Variants in IQCM observed in about 807,000 individuals in gnomAD.
The protein encoded by IQCM is IQ domain-containing protein M.
Under a neutral mutation model 57.6 loss-of-function variants are expected in IQCM, and 45 were observed. The observed-to-expected ratio is 0.78, with a 90% CI of 0.62 to 1.00. The LOEUF (loss-of-function observed/expected upper bound fraction) is 1.00. Among genes scored for constraint, IQCM ranks in the 50% least tolerant of loss-of-function variants. The pLI is 0.00. For synonymous variants in IQCM, 148 were observed against 158.9 expected (o/e 0.93, Z 0.51); for missense variants, 468 against 511.6 (o/e 0.91, Z 0.82).
chr4:149,469,945 G>A (rs1319107306), intron 12 of IQCM, among the ~76,000 whole-genome samples: 1 of 152,076 alleles, frequency 6.6e-6, no homozygotes, highest in Non-Finnish European at 1.5e-5. Flanking sequence ...TCACCACCAG[G>A]CCTGCCTTAC....
chr4:149,417,006 C>T (rs1031523916), intron 13 of IQCM, among the ~76,000 whole-genome samples: 3 of 152,044 alleles, frequency 2.0e-5, no homozygotes, highest in South Asian at 2.1e-4. Context: ...TGAGGAATTG[C>T]TTTTAGGCTT....
intron 5 of IQCM, among the ~76,000 whole-genome samples, chr4:149,703,139 A>C (rs1763892777): frequency 6.6e-6 from 1 of 151,950 alleles, no homozygotes; most frequent in South Asian, 2.1e-4. Flanking sequence ...TATATTTTAC[A>C]TTTGCAACTT....
At chr4:149,477,594 G>A (rs1579197316) in intron 12 of IQCM, among the ~76,000 whole-genome samples, 1 of 152,250 alleles carries the variant, frequency 6.6e-6, no homozygotes, top group East Asian at 1.9e-4. Context: ...AAATCAAATT[G>A]TCCCATAGGT....
rs201459917 is a variant in IQCM, at chr4:149,586,895, T to TTC, written c.749+1033_749+1034dup. 1.3e-3 allele frequency among the ~76,000 whole-genome samples: 191 copies of TTC among 151,860 alleles called. 7 individuals carry two copies. In the East Asian group the frequency reaches 0.035, roughly 28 times the overall value. On this transcript the variant is annotated intron_variant, in intron 9 of 13. Transcript: ENST00000636793. ...TCCATAGAAAGAGAAAAATCTTTTTTTCTTTCTATGTAAACAGATGAAGCA... is the reference window on the plus strand; with the variant it reads ...TCCATAGAAAGAGAAAAATCTTTTTTTCTCTTTCTATGTAAACAGATGAAGCA...
At position 149,535,125 on chromosome 4, in the gene IQCM, C is replaced by T. The variant is rs542433644; in HGVS notation, c.1228+13330G>A. Reference sequence around the variant, plus strand: ...AACAAACTGAGTGAGAACTACAAAACATTATGACAGTAAAGGACTAAAAAC... The same window carrying T: ...AACAAACTGAGTGAGAACTACAAAATATTATGACAGTAAAGGACTAAAAAC... On this transcript the variant is annotated intron_variant, in intron 12 of 13. Coordinates refer to ENST00000636793, the MANE Select transcript of IQCM (RefSeq NM_001363507.2). Among the ~76,000 whole-genome samples, 61 of 152,120 alleles carry T rather than the reference C, an allele frequency of 4.0e-4. 1 individual carries two copies. Among genetic ancestry groups the T allele is most frequent in the African/African-American group, 1.5e-3 (61 of 41,538 alleles).
At chr4:149,790,725 G>A (rs1659669675) in intron 2 of IQCM, among the ~76,000 whole-genome samples, 1 of 152,134 alleles carries the variant, frequency 6.6e-6, no homozygotes, top group African/African-American at 2.4e-5. Flanking sequence ...TATAATCCCA[G>A]GACAATATTA....
At chr4:149,394,040 T>C (rs2111098524) in intron 13 of IQCM, among the ~76,000 whole-genome samples, 1 of 152,146 alleles carries the variant, frequency 6.6e-6, no homozygotes, top group African/African-American at 2.4e-5. Context: ...CATGCATTTC[T>C]TCATTGTGTT....
chr4:149,785,105 A>C (rs2150017496), intron 2 of IQCM, among the ~76,000 whole-genome samples: 1 of 152,336 alleles, frequency 6.6e-6, no homozygotes, highest in East Asian at 1.9e-4. Flanking sequence ...ATAGATGCTA[A>C]CTTCCTGATT....
At chr4:149,716,442 A>G (rs1580107959) in intron 5 of IQCM, among the ~76,000 whole-genome samples, 1 of 152,176 alleles carries the variant, frequency 6.6e-6, no homozygotes, top group Non-Finnish European at 1.5e-5. Flanking sequence ...GGGCAGGTGG[A>G]GCCTCCCAGG....
intron 7 of IQCM, among the ~76,000 whole-genome samples, chr4:149,680,055 T>TA: frequency 6.6e-6 from 1 of 151,394 alleles, no homozygotes; most frequent in East Asian, 1.9e-4. Context: ...AGCCTTACTT[T>TA]AAAAATATGT....
At chr4:149,694,716 T>C (rs955834564) in intron 5 of IQCM, among the ~76,000 whole-genome samples, 9 of 152,180 alleles carry the variant, frequency 5.9e-5, no homozygotes, top group East Asian at 1.9e-4. Flanking sequence ...ATCACAGATA[T>C]CTGTTAGCAG....
intron 12 of IQCM, among the ~76,000 whole-genome samples, chr4:149,494,867 C>T (rs1036790774): frequency 2.0e-5 from 3 of 152,046 alleles, no homozygotes; most frequent in Non-Finnish European, 4.4e-5. Flanking sequence ...CGTGATCTGA[C>T]TTATGTGTCT....
At chr4:149,608,979 C>T (rs368543735) in intron 8 of IQCM, among the ~76,000 whole-genome samples, 1 of 151,274 alleles carries the variant, frequency 6.6e-6, no homozygotes, top group Non-Finnish European at 1.5e-5. Flanking sequence ...AAAAGGACAA[C>T]AAAATGAACA....
In IQCM at chr4:149,668,158, T is replaced by G. The variant is rs1760905548; in HGVS notation, c.565+13960A>C. ...ACCAAAGTTGAAATGAAGGAAAAAA[T>G]GTTAAGGGCAGCCAGAGAGAAAGGT... On this transcript the variant is annotated intron_variant, in intron 7 of 13. Transcript: ENST00000636793. Among the ~76,000 whole-genome samples, 2 of 151,820 alleles carry G rather than the reference T, an allele frequency of 1.3e-5. 1 individual carries two copies. The highest frequency in any genetic ancestry group is 4.2e-4 in the South Asian group (2 of 4,802).
At chr4:149,390,070 G>C (rs1198858699) in intron 13 of IQCM, among the ~76,000 whole-genome samples, 1 of 151,888 alleles carries the variant, frequency 6.6e-6, no homozygotes, top group African/African-American at 2.4e-5. Context: ...CCACCATCTT[G>C]GTGGCAATGC....
At chr4:149,507,524 G>T (rs1432009864) in intron 12 of IQCM, among the ~76,000 whole-genome samples, 1 of 152,202 alleles carries the variant, frequency 6.6e-6, no homozygotes, top group African/African-American at 2.4e-5. Context: ...TTAGCAAAGA[G>T]ACTGGTGGCA....
chr4:149,741,063 A>G (rs1422638995), intron 3 of IQCM, among the ~76,000 whole-genome samples: 1 of 152,190 alleles, frequency 6.6e-6, no homozygotes, highest in East Asian at 1.9e-4. Flanking sequence ...TTTCTAATTT[A>G]TTCCTAAAAA....
At chr4:149,393,651 T>C (rs1732021822) in intron 13 of IQCM, among the ~76,000 whole-genome samples, 1 of 151,798 alleles carries the variant, frequency 6.6e-6, no homozygotes, top group Admixed American at 6.6e-5. Flanking sequence ...GGGAGAACAA[T>C]ATAGTTACAA....
At chr4:149,654,260 C>T (rs753504333) in intron 7 of IQCM, among the ~76,000 whole-genome samples, 26 of 152,080 alleles carry the variant, frequency 1.7e-4, no homozygotes, top group Non-Finnish European at 3.1e-4. Flanking sequence ...GGATCTGTGT[C>T]CCCACCAAAT....
Sources: gnomAD v4.1 joint callset for allele counts (sites outside exome capture counted in the v4.1 genomes callset) on GRCh38, gnomAD v4.1.1 for gene constraint, MANE v1.5 for transcripts, NCBI Gene and HGNC (gene_info 2026-07-23, HGNC 2026-07-21) for gene names.